SYT1: variants seen among roughly 807,000 people sequenced by gnomAD.
The protein encoded by SYT1 is synaptotagmin-1.
In SYT1, 8 loss-of-function variants were observed where a neutral mutation model predicts 44.8. That is an observed-to-expected ratio of 0.18 (90% CI 0.10 to 0.32). The LOEUF is 0.32. SYT1 is among the 10% of genes least tolerant of loss of function. The probability of loss-of-function intolerance (pLI) is 1.00; values close to 1 mark genes in which losing one functional copy is unlikely to be tolerated. For synonymous variants in SYT1, 154 were observed against 188.8 expected (o/e 0.82, Z 1.51); for missense variants, 286 against 509.3 (o/e 0.56, Z 4.22).
chr12:79,185,965 CA>C (rs1872778694), intron 3 of SYT1, among the ~76,000 whole-genome samples: 1 of 151,960 alleles, frequency 6.6e-6, no homozygotes, highest in Non-Finnish European at 1.5e-5. Context: ...TTTTAATTCT[CA>C]AAAATAGTTC....
intron 9 of SYT1, among the ~76,000 whole-genome samples, chr12:79,383,899 A>G (rs1884324340): frequency 6.6e-6 from 1 of 152,186 alleles, no homozygotes. Flanking sequence ...AAATTGTGAA[A>G]AATGGCGCCA....
chr12:79,005,858 C>T (rs1357732959), intron 2 of SYT1, among the ~76,000 whole-genome samples: 1 of 152,122 alleles, frequency 6.6e-6, no homozygotes, highest in Non-Finnish European at 1.5e-5. Context: ...CCAGTCTAAA[C>T]TCACATTTTC....
chr12:78,871,079 T>C (rs552373164), intron 1 of SYT1, among the ~76,000 whole-genome samples: 6 of 152,034 alleles, frequency 3.9e-5, no homozygotes, highest in African/African-American at 1.2e-4. Context: ...ACTTAACACC[T>C]GAGAATAAAG....
chr12:79,106,924 A>G (rs1321949816), intron 3 of SYT1, among the ~76,000 whole-genome samples: 1 of 152,088 alleles, frequency 6.6e-6, no homozygotes, highest in Non-Finnish European at 1.5e-5. Context: ...AAAATTGTAT[A>G]CATTGTTCTA....
intron 3 of SYT1, among the ~76,000 whole-genome samples, chr12:79,139,165 T>C (rs930243901): frequency 4.6e-5 from 7 of 152,158 alleles, no homozygotes; most frequent in African/African-American, 1.7e-4. Context: ...ATAAGGCAGC[T>C]CACAGCCTCA....
At chr12:79,186,615 T>C (rs1872815506) in intron 3 of SYT1, among the ~76,000 whole-genome samples, 1 of 151,998 alleles carries the variant, frequency 6.6e-6, no homozygotes, top group Admixed American at 6.6e-5. Context: ...GCTAAGTGGC[T>C]CCCCAAAGAT....
intron 9 of SYT1, chr12:79,392,122 T>A (rs1884680637): frequency 1.3e-5 from 2 of 152,206 alleles, no homozygotes; most frequent in Non-Finnish European, 1.5e-5. Flanking sequence ...AGATATGGTT[T>A]TGGGAGAGTA....
chr12:78,997,912 T>A (rs1484771745), intron 2 of SYT1, among the ~76,000 whole-genome samples: 2 of 152,178 alleles, frequency 1.3e-5, no homozygotes, highest in African/African-American at 4.8e-5. Flanking sequence ...CTCTTAGTGA[T>A]CCTGGTGCCT....
chr12:79,403,706 G>T (rs1457746049), intron 9 of SYT1, among the ~76,000 whole-genome samples: 1 of 152,166 alleles, frequency 6.6e-6, no homozygotes, highest in African/African-American at 2.4e-5. Flanking sequence ...AATAGCAGAT[G>T]TATTTCTCAA....
chr12:79,277,577 A>C (rs1445285038), intron 4 of SYT1, among the ~76,000 whole-genome samples: 2 of 152,312 alleles, frequency 1.3e-5, no homozygotes, highest in East Asian at 1.9e-4. Flanking sequence ...CAAAATTATA[A>C]ATTCATAGAG....
At chr12:79,136,222 C>G (rs1252130636) in intron 3 of SYT1, among the ~76,000 whole-genome samples, 1 of 152,136 alleles carries the variant, frequency 6.6e-6, no homozygotes, top group Non-Finnish European at 1.5e-5. Flanking sequence ...CTATTGAACT[C>G]TTATTAACAG....
chr12:79,218,104 CATTT>C (rs1245503627), intron 4 of SYT1, among the ~76,000 whole-genome samples: 7 of 151,918 alleles, frequency 4.6e-5, no homozygotes, highest in Admixed American at 2.0e-4. Flanking sequence ...TTCTGTCATT[CATTT>C]GTCATCATTT....
intron 9 of SYT1, among the ~76,000 whole-genome samples, chr12:79,429,044 T>C (rs1445336043): frequency 6.6e-6 from 1 of 152,048 alleles, no homozygotes; most frequent in Non-Finnish European, 1.5e-5. Context: ...ACTCACTCAT[T>C]ACCATAGGAT....
chr12:78,903,536 C>T (rs889339730), intron 1 of SYT1, among the ~76,000 whole-genome samples: 1 of 151,962 alleles, frequency 6.6e-6, no homozygotes, highest in Admixed American at 6.6e-5. Context: ...CTGCCCGCCT[C>T]GGCCTCCCAA....
At chr12:79,312,143 T>C (rs1341241758) in intron 8 of SYT1, among the ~76,000 whole-genome samples, 2 of 152,126 alleles carry the variant, frequency 1.3e-5, no homozygotes, top group African/African-American at 2.4e-5. Flanking sequence ...TTCTGGGGAA[T>C]TGAGCTAAAT....
At chr12:79,002,073 C>G (rs1383760582) in intron 2 of SYT1, among the ~76,000 whole-genome samples, 1 of 152,066 alleles carries the variant, frequency 6.6e-6, no homozygotes, top group Non-Finnish European at 1.5e-5. Context: ...AACACTGCTA[C>G]AGTTGCATAG....
At chr12:78,979,469 T>G (rs1190017663) in intron 2 of SYT1, among the ~76,000 whole-genome samples, 3 of 152,086 alleles carry the variant, frequency 2.0e-5, no homozygotes, top group Non-Finnish European at 2.9e-5. Flanking sequence ...ATATACATAT[T>G]AGGTGATTAT....
intron 3 of SYT1, among the ~76,000 whole-genome samples, chr12:79,111,875 A>G (rs1014426685): frequency 6.6e-6 from 1 of 152,126 alleles, no homozygotes; most frequent in African/African-American, 2.4e-5. Context: ...CATGTTCTAA[A>G]AAATTTTACT....
In SYT1 at chr12:79,353,102, C is replaced by T. The variant is rs530449699; in HGVS notation, c.811-400C>T. Reference sequence around the variant, plus strand: ...AATGTAAAAGGACAAAAATTTAGGTCGATTGATTCAACTAAAGTGTTAGGC... The same window carrying T: ...AATGTAAAAGGACAAAAATTTAGGTTGATTGATTCAACTAAAGTGTTAGGC... On this transcript the variant is annotated intron_variant, in intron 8 of 10. Transcript: ENST00000261205. Among the ~76,000 whole-genome samples the T allele has an allele frequency of 3.3e-5, 5 of 152,098 alleles. No homozygotes were observed. In the East Asian group the frequency reaches 5.8e-4, roughly 18 times the overall value.
Sources: allele counts gnomAD v4.1 joint callset (sites outside exome capture counted in the v4.1 genomes callset), GRCh38; gene constraint gnomAD v4.1.1; transcripts MANE v1.5; gene names NCBI Gene and HGNC (gene_info 2026-07-23, HGNC 2026-07-21).